The following IL1RAPL1 variants were observed in gnomAD, a reference collection of about 807,000 sequenced individuals.
IL1RAPL1 encodes the protein interleukin-1 receptor accessory protein-like 1.
In IL1RAPL1, 3 loss-of-function variants were observed where a neutral mutation model predicts 48.4. The observed-to-expected ratio is 0.06, with a 90% CI of 0.03 to 0.16. The LOEUF is 0.16. IL1RAPL1 is among the 10% of genes least tolerant of loss of function. IL1RAPL1 has a pLI of 1.00. For synonymous variants in IL1RAPL1, 185 were observed against 187.7 expected, an observed-to-expected ratio of 0.99 and a Z score of 0.12; for missense variants, 349 against 530.6, an observed-to-expected ratio of 0.66 and a Z score of 3.36.
intron 6 of IL1RAPL1, among the ~76,000 whole-genome samples, chrX:29,820,283 A>G (rs1303271850): frequency 1.8e-5 from 2 of 110,986 alleles, no homozygotes; most frequent in African/African-American, 6.5e-5. Flanking sequence ...TCAATAATAT[A>G]CAGAGGTATT....
At chrX:29,146,007 G>T (rs1025324409) in intron 2 of IL1RAPL1, among the ~76,000 whole-genome samples, 2 of 111,560 alleles carry the variant, frequency 1.8e-5, no homozygotes, top group Non-Finnish European at 3.8e-5. Context: ...TCTGCTGCTG[G>T]AGTAATTCTG....
At chrX:29,729,103 C>T (rs1927852671) in intron 6 of IL1RAPL1, among the ~76,000 whole-genome samples, 1 of 111,479 alleles carries the variant, frequency 9.0e-6, no homozygotes, top group South Asian at 3.8e-4. Context: ...TAGTCAGAGA[C>T]ATCATATAGT....
At chrX:28,725,173 G>C (rs5985896) in intron 1 of IL1RAPL1, among the ~76,000 whole-genome samples, 1 of 107,966 alleles carries the variant, frequency 9.3e-6, no homozygotes, top group South Asian at 4.0e-4. Context: ...GATGGTCTCA[G>C]TCTCCAGATC....
chrX:29,004,151 T>C (rs1180196553), intron 2 of IL1RAPL1, among the ~76,000 whole-genome samples: 1 of 110,368 alleles, frequency 9.1e-6, no homozygotes, highest in Non-Finnish European at 1.9e-5. Context: ...TGAGACTGTC[T>C]AGAAAAAAAA....
chrX:29,743,489 T>C (rs373603460), intron 6 of IL1RAPL1, among the ~76,000 whole-genome samples: 2 of 111,462 alleles, frequency 1.8e-5, no homozygotes, highest in African/African-American at 3.3e-5. Context: ...TTCTCTTTTT[T>C]CATTTTTATT....
intron 5 of IL1RAPL1, among the ~76,000 whole-genome samples, chrX:29,524,439 T>C (rs763678239): frequency 2.7e-5 from 3 of 111,661 alleles, no homozygotes; most frequent in African/African-American, 9.7e-5. Context: ...ATATATTTTA[T>C]ATCAGCTTAA....
chrX:29,712,291 TA>T (rs770130223), intron 6 of IL1RAPL1, among the ~76,000 whole-genome samples: 1 of 110,041 alleles, frequency 9.1e-6, no homozygotes. Context: ...CTCAAATGAA[TA>T]AAAAAAAGAA....
chrX:29,873,439 C>A (rs1195917862), intron 6 of IL1RAPL1, among the ~76,000 whole-genome samples: 2 of 104,404 alleles, frequency 1.9e-5, no homozygotes, highest in Admixed American at 1.1e-4. Flanking sequence ...AAAAGTGAGA[C>A]CTTTAGGAGT....
intron 5 of IL1RAPL1, among the ~76,000 whole-genome samples, chrX:29,648,410 C>T (rs1483913970): frequency 9.0e-6 from 1 of 111,646 alleles, no homozygotes; most frequent in Non-Finnish European, 1.9e-5. Flanking sequence ...TGTTATCCAG[C>T]TTTAGAAGAC....
chrX:28,680,065 A>G (rs1935041644), intron 1 of IL1RAPL1, among the ~76,000 whole-genome samples: 3 of 111,778 alleles, frequency 2.7e-5, no homozygotes, highest in African/African-American at 9.7e-5. Flanking sequence ...TGAATATTTT[A>G]ACAATACTAA....
intron 6 of IL1RAPL1, among the ~76,000 whole-genome samples, chrX:29,874,972 T>C (rs1434458149): frequency 8.9e-6 from 1 of 112,169 alleles, no homozygotes; most frequent in Non-Finnish European, 1.9e-5. Context: ...AAGAATGCAA[T>C]TTTAAGGTTT....
At chrX:29,686,238 T>G (rs1372770253) in intron 6 of IL1RAPL1, among the ~76,000 whole-genome samples, 1 of 111,704 alleles carries the variant, frequency 9.0e-6, no homozygotes, top group Non-Finnish European at 1.9e-5. Flanking sequence ...GCATTTTGTA[T>G]TCAGTTTAAT....
chrX:29,132,656 G>GA (rs1421209721), intron 2 of IL1RAPL1, among the ~76,000 whole-genome samples: 1 of 111,733 alleles, frequency 8.9e-6, no homozygotes, highest in African/African-American at 3.3e-5. Context: ...TGCTTCTGGA[G>GA]AAATGGCTTA....
At chrX:29,490,760 A>G (rs1234448900) in intron 5 of IL1RAPL1, among the ~76,000 whole-genome samples, 1 of 109,108 alleles carries the variant, frequency 9.2e-6, no homozygotes, top group Non-Finnish European at 1.9e-5. Context: ...ACAAATAGCA[A>G]ATATTTACAC....
chrX:29,136,311 G>A (rs1451889464), intron 2 of IL1RAPL1, among the ~76,000 whole-genome samples: 2 of 109,806 alleles, frequency 1.8e-5, no homozygotes, highest in Admixed American at 9.7e-5. Context: ...ATTTTTAGTA[G>A]AGACGGGGTT....
chrX:29,880,852 C>T (rs372176196), intron 6 of IL1RAPL1, among the ~76,000 whole-genome samples: 13 of 111,089 alleles, frequency 1.2e-4, no homozygotes, highest in African/African-American at 4.2e-4. Context: ...TATTAAGAGG[C>T]CAATTTTATA....
rs1935407440 is a variant in IL1RAPL1 at position 29,512,852 on chromosome X, A to G, written c.703+113544A>G. 3.6e-5 allele frequency among the ~76,000 whole-genome samples: 4 copies of G among 112,140 alleles called. No homozygotes were observed. The Admixed American group carries it at 3.8e-4, about 11-fold the overall frequency. On this transcript the variant is annotated intron_variant, in intron 5 of 10. Transcript: ENST00000378993. Reference sequence around the variant, plus strand: ...TAAACTGTAGTAAAGCCAAACATTTATAGCATCTTTTAAAGACAGTCTTAT... The same window carrying G: ...TAAACTGTAGTAAAGCCAAACATTTGTAGCATCTTTTAAAGACAGTCTTAT...
intron 6 of IL1RAPL1, among the ~76,000 whole-genome samples, chrX:29,843,833 T>C (rs910201129): frequency 1.8e-5 from 2 of 109,481 alleles, no homozygotes; most frequent in African/African-American, 6.7e-5. Context: ...TCATCACATC[T>C]CCTTCCCTGA....
chrX:28,804,530 G>C (rs1936707912), intron 2 of IL1RAPL1, among the ~76,000 whole-genome samples: 2 of 111,278 alleles, frequency 1.8e-5, no homozygotes, highest in African/African-American at 6.5e-5. Flanking sequence ...GCTGTTCCCA[G>C]CTTCTAGAAA....
Sources: allele counts gnomAD v4.1 joint callset (sites outside exome capture counted in the v4.1 genomes callset), GRCh38; gene constraint gnomAD v4.1.1; transcripts MANE v1.5; gene names NCBI Gene and HGNC (gene_info 2026-07-23, HGNC 2026-07-21).